Variants in SEMA3C observed in about 807,000 individuals in gnomAD.
The protein encoded by SEMA3C is semaphorin 3C.
Under a neutral mutation model 89.4 loss-of-function variants are expected in SEMA3C, and 47 were observed. The ratio of observed to expected loss-of-function variants is 0.53; its 90% CI spans 0.42 to 0.67. The LOEUF is 0.67. Among genes scored for constraint, SEMA3C ranks in the 30% least tolerant of loss-of-function variants. SEMA3C has a pLI of 0.00. For synonymous variants in SEMA3C, 310 were observed against 320.2 expected, an observed-to-expected ratio of 0.97 and a Z score of 0.34; for missense variants, 839 against 929.1, an observed-to-expected ratio of 0.90 and a Z score of 1.26.
intron 14 of SEMA3C, among the ~76,000 whole-genome samples, chr7:80,759,666 A>G (rs1788140610): frequency 6.6e-6 from 1 of 152,250 alleles, no homozygotes; most frequent in Admixed American, 6.5e-5. Flanking sequence ...CAGTTAAACT[A>G]GCAATACATG....
chr7:80,765,731 C>T (rs1788285255), intron 12 of SEMA3C, among the ~76,000 whole-genome samples: 1 of 152,030 alleles, frequency 6.6e-6, no homozygotes, highest in South Asian at 2.1e-4. Flanking sequence ...TGCCCGCCAC[C>T]ACGCCTGGCT....
chr7:80,895,474 T>C (rs913483807), intron 2 of SEMA3C, among the ~76,000 whole-genome samples: 1 of 152,180 alleles, frequency 6.6e-6, no homozygotes, highest in Admixed American at 6.5e-5. Context: ...CAGCAATCTT[T>C]TAATTTTTAA....
chr7:80,847,585 T>A (rs1177657124), intron 2 of SEMA3C, among the ~76,000 whole-genome samples: 1 of 152,186 alleles, frequency 6.6e-6, no homozygotes, highest in Non-Finnish European at 1.5e-5. Flanking sequence ...TGAGTAGGTT[T>A]TTTTTTCCCC....
chr7:80,845,927 G>T (rs1234475728), intron 2 of SEMA3C, among the ~76,000 whole-genome samples: 1 of 152,112 alleles, frequency 6.6e-6, no homozygotes, highest in Non-Finnish European at 1.5e-5. Context: ...TCAATTCAAT[G>T]ACTTCCTGTT....
At chr7:80,799,952 C>T (rs1440742649) in intron 10 of SEMA3C, among the ~76,000 whole-genome samples, 2 of 151,468 alleles carry the variant, frequency 1.3e-5, no homozygotes, top group Non-Finnish European at 2.9e-5. Context: ...GAGATCAAGA[C>T]CATCCTGCCT....
At chr7:80,769,429 C>A (rs1340277946) in intron 12 of SEMA3C, among the ~76,000 whole-genome samples, 1 of 152,134 alleles carries the variant, frequency 6.6e-6, no homozygotes, top group South Asian at 2.1e-4. Context: ...CTCCATATTC[C>A]CCAATGTTTT....
intron 8 of SEMA3C, 123 bp from the exon 9 acceptor site, chr7:80,802,902 T>C: frequency 1.7e-6 from 1 of 576,172 alleles, no homozygotes; most frequent in Non-Finnish European, 3.2e-6. Flanking sequence ...GTTAACCACT[T>C]CTGCACATCA....
At chr7:80,912,001 A>G (rs1792164158) in intron 2 of SEMA3C, among the ~76,000 whole-genome samples, 1 of 152,092 alleles carries the variant, frequency 6.6e-6, no homozygotes, top group Non-Finnish European at 1.5e-5. Context: ...TCACTCTTCT[A>G]ACTTCAGAAC....
chr7:80,888,335 G>A (rs1266996638), intron 2 of SEMA3C, among the ~76,000 whole-genome samples: 1 of 151,992 alleles, frequency 6.6e-6, no homozygotes, highest in African/African-American at 2.4e-5. Context: ...GATTACCTGA[G>A]TCCAGGAAAA....
At position 80,759,818 on chromosome 7, in the gene SEMA3C, C is replaced by T. The variant is rs181833100; in HGVS notation, c.1486-1330G>A. On this transcript the variant is annotated intron_variant, in intron 14 of 17. Coordinates refer to ENST00000265361, the MANE Select transcript of SEMA3C (RefSeq NM_006379.5). ...CATTCAAACTACAAGAAAACAACTGCGTGTTTTCACAATAACCATTTGTCC... is the reference window on the plus strand; with the variant it reads ...CATTCAAACTACAAGAAAACAACTGTGTGTTTTCACAATAACCATTTGTCC... 3.5e-4 allele frequency among the ~76,000 whole-genome samples: 54 copies of T among 152,222 alleles called. 1 individual carries two copies. The South Asian group carries it at 9.9e-3, about 28-fold the overall frequency.
At chr7:80,751,035 A>G (rs1260443735) in intron 16 of SEMA3C, among the ~76,000 whole-genome samples, 5 of 152,180 alleles carry the variant, frequency 3.3e-5, no homozygotes, top group Non-Finnish European at 7.3e-5. Flanking sequence ...AGAAAGACCT[A>G]CCAGCTAACA....
intron 3 of SEMA3C, 28 bp from the exon 4 acceptor site, chr7:80,827,515 A>C: frequency 1.3e-6 from 2 of 1,586,476 alleles, no homozygotes; most frequent in Non-Finnish European, 1.7e-6. Flanking sequence ...TAAAGGTTGC[A>C]TAATCTCACC....
chr7:80,754,756 TAATC>T (rs1349202503), intron 15 of SEMA3C, among the ~76,000 whole-genome samples: 1 of 151,856 alleles, frequency 6.6e-6, no homozygotes, highest in African/African-American at 2.4e-5. Flanking sequence ...CTGCTGGAGA[TAATC>T]AAGATAGCTG....
intron 15 of SEMA3C, among the ~76,000 whole-genome samples, chr7:80,753,732 A>T (rs1787990856): frequency 6.6e-6 from 1 of 152,194 alleles, no homozygotes; most frequent in African/African-American, 2.4e-5. Context: ...AAACAATGAA[A>T]TCATTTTTTA....
intron 2 of SEMA3C, among the ~76,000 whole-genome samples, chr7:80,845,566 T>G (rs1790370339): frequency 6.6e-6 from 1 of 152,134 alleles, no homozygotes; most frequent in Non-Finnish European, 1.5e-5. Flanking sequence ...TGCTGAGCCT[T>G]GCTGATTTTA....
At chr7:80,754,957 G>GTTTTTTTTTTTGTTTTTTTTT (rs1788027360) in intron 15 of SEMA3C, among the ~76,000 whole-genome samples, 3 of 108,368 alleles carry the variant, frequency 2.8e-5, no homozygotes, top group Admixed American at 1.0e-4. Context: ...GTTTTTTTTT[G>GTTTTTTTTTTTGTTTTTTTTT]TTTTTTTTTT....
chr7:80,804,069 TG>T (rs756168252), intron 8 of SEMA3C, 36 bp downstream of exon 8: 1 of 1,543,938 alleles, frequency 6.5e-7, no homozygotes, highest in Admixed American at 1.9e-5. Flanking sequence ...TTGAATTTCT[TG>T]GTCTTTCTTC....
intron 2 of SEMA3C, among the ~76,000 whole-genome samples, chr7:80,898,252 G>A (rs1791787538): frequency 6.6e-6 from 1 of 152,096 alleles, no homozygotes; most frequent in Admixed American, 6.6e-5. Flanking sequence ...TGTAGTCCCA[G>A]CTACTCGGGA....
Position 80,748,949 on chromosome 7 carries a change from C to T in SEMA3C, c.1791G>A (p.Pro597=), listed in dbSNP as rs143540435. The part of the protein sequence containing the change: ...TTFLECAPKS[P]QASIKWLLQK... ...GTAACAGCCACTTGATAGATGCCTGCGGAGACTTGGGGGCACACTCCAGAA... is the reference window on the plus strand; with the variant it reads ...GTAACAGCCACTTGATAGATGCCTGTGGAGACTTGGGGGCACACTCCAGAA... The change falls in exon 17 of 18, where the codon CCG becomes CCA. Residue 597 remains proline (P), a synonymous_variant. Transcript: ENST00000265361. 610 of 1,613,222 alleles carry T rather than the reference C, an allele frequency of 3.8e-4. 4 individuals carry two copies. The African/African-American group carries it at 6.4e-3, about 17-fold the overall frequency.
Sources: gnomAD v4.1 joint callset for allele counts (sites outside exome capture counted in the v4.1 genomes callset) on GRCh38, gnomAD v4.1.1 for gene constraint, MANE v1.5 for transcripts, NCBI Gene and HGNC (gene_info 2026-07-23, HGNC 2026-07-21) for gene names.